CADM2: variants seen among roughly 807,000 people sequenced by gnomAD.
CADM2 encodes the protein cell adhesion molecule 2, also known as immunoglobulin superfamily member 4D.
In CADM2, 12 loss-of-function variants were observed where a neutral mutation model predicts 49.8. That is an observed-to-expected ratio of 0.24 (90% confidence interval 0.15 to 0.39). The LOEUF (loss-of-function observed/expected upper bound fraction) is 0.39, where lower values mean the gene tolerates loss of function less well. Ranked by LOEUF, CADM2 falls within the 10% of genes least tolerant of loss-of-function variation. CADM2 has a pLI of 1.00. For missense variants in CADM2, 378 were observed against 492.3 expected (o/e 0.77, Z 2.20); for synonymous variants, 214 against 175.4 (o/e 1.22, Z -1.74).
intron 1 of CADM2, among the ~76,000 whole-genome samples, chr3:85,295,759 A>C (rs1343401144): frequency 6.6e-6 from 1 of 151,728 alleles, no homozygotes; most frequent in African/African-American, 2.4e-5. Flanking sequence ...GGGGAATATC[A>C]CACTCTGGGG....
intron 1 of CADM2, among the ~76,000 whole-genome samples, chr3:85,581,496 T>A (rs2062796712): frequency 6.6e-6 from 1 of 151,784 alleles, no homozygotes; most frequent in African/African-American, 2.4e-5. Context: ...AATAAAATGA[T>A]CTATGAGGAA....
In CADM2 at chr3:85,082,988, C is replaced by T. The variant is rs185246832; in HGVS notation, c.61+123320C>T. ...GTTGTAGTTTTCATGTTTAAAATAT[C>T]ATTTTACAACTTCGAGAATGCTGTA... On this transcript the variant is annotated intron_variant, in intron 1 of 9. Coordinates refer to ENST00000383699, the MANE Select transcript of CADM2 (RefSeq NM_001167675.2). 1.4e-4 allele frequency among the ~76,000 whole-genome samples: 22 copies of T among 152,116 alleles called. No homozygotes were observed. The East Asian group carries it at 3.5e-3, about 24-fold the overall frequency.
At chr3:85,231,040 C>T (rs2042275112) in intron 1 of CADM2, among the ~76,000 whole-genome samples, 1 of 151,698 alleles carries the variant, frequency 6.6e-6, no homozygotes, top group Admixed American at 6.6e-5. Flanking sequence ...GCTGCTTTCT[C>T]ACTGTGTCCT....
At chr3:85,764,211 A>G (rs1295053081) in intron 2 of CADM2, among the ~76,000 whole-genome samples, 1 of 152,142 alleles carries the variant, frequency 6.6e-6, no homozygotes, top group Non-Finnish European at 1.5e-5. Context: ...ACATTTTTGT[A>G]TGAACAGCAA....
At chr3:85,904,885 A>G (rs555867827) in intron 5 of CADM2, among the ~76,000 whole-genome samples, 99 of 152,240 alleles carry the variant, frequency 6.5e-4, no homozygotes, top group African/African-American at 2.4e-3. Flanking sequence ...TCTATTTTAT[A>G]TTCAAAAAAT....
At chr3:84,963,829 G>A (rs533529) in intron 1 of CADM2, among the ~76,000 whole-genome samples, 152,274 of 152,302 alleles carry the variant, frequency 1, 76,123 homozygotes, top group Middle Eastern at 1. Flanking sequence ...CTTTACATGT[G>A]TTAACTTTAG....
chr3:85,635,695 A>G (rs1349717551), intron 1 of CADM2, among the ~76,000 whole-genome samples: 1 of 152,306 alleles, frequency 6.6e-6, no homozygotes, highest in Admixed American at 6.5e-5. Flanking sequence ...TTTAGTGCAT[A>G]CAATTTAACA....
intron 1 of CADM2, among the ~76,000 whole-genome samples, chr3:85,282,189 A>T (rs909892438): frequency 2.0e-5 from 3 of 151,444 alleles, no homozygotes; most frequent in African/African-American, 4.8e-5. Flanking sequence ...ATTTTTTTTT[A>T]AATTAGATAT....
intron 1 of CADM2, among the ~76,000 whole-genome samples, chr3:85,589,295 A>G (rs939083572): frequency 6.6e-6 from 1 of 151,960 alleles, no homozygotes; most frequent in African/African-American, 2.4e-5. Context: ...GTAATATTTG[A>G]GTTTCTGACC....
At chr3:85,067,622 C>G (rs1406073138) in intron 1 of CADM2, among the ~76,000 whole-genome samples, 1 of 152,086 alleles carries the variant, frequency 6.6e-6, no homozygotes, top group Non-Finnish European at 1.5e-5. Context: ...TGCTCAATTA[C>G]GAATGAGTCT....
chr3:85,008,407 A>G (rs2033840921), intron 1 of CADM2, among the ~76,000 whole-genome samples: 1 of 152,128 alleles, frequency 6.6e-6, no homozygotes, highest in African/African-American at 2.4e-5. Context: ...ATTACCTTAC[A>G]TTGTATGTTA....
At chr3:85,894,160 T>A (rs1227929259) in intron 5 of CADM2, among the ~76,000 whole-genome samples, 1 of 151,996 alleles carries the variant, frequency 6.6e-6, no homozygotes, top group African/African-American at 2.4e-5. Context: ...TAGAATACTA[T>A]GCAGCCATAA....
At chr3:85,346,250 T>C (rs974454258) in intron 1 of CADM2, among the ~76,000 whole-genome samples, 2 of 152,192 alleles carry the variant, frequency 1.3e-5, no homozygotes, top group Non-Finnish European at 2.9e-5. Context: ...TAAGTTGCCA[T>C]GAAATTTTCA....
chr3:85,803,277 C>G (rs1329686536), intron 3 of CADM2, among the ~76,000 whole-genome samples: 1 of 151,906 alleles, frequency 6.6e-6, no homozygotes, highest in Non-Finnish European at 1.5e-5. Context: ...TCCCTTTGTA[C>G]CAGGCATTAA....
intron 1 of CADM2, among the ~76,000 whole-genome samples, chr3:85,460,323 G>A (rs1481630204): frequency 6.6e-6 from 1 of 151,990 alleles, no homozygotes; most frequent in Admixed American, 6.6e-5. Flanking sequence ...CAAGAAGCAT[G>A]AACCACTGTG....
chr3:85,170,172 C>T lies in CADM2; in HGVS notation c.61+210504C>T, dbSNP rs540437442. Among the ~76,000 whole-genome samples, 4 of 152,266 alleles carry T rather than the reference C, an allele frequency of 2.6e-5. No individual in the cohort carries two copies. In the South Asian group the frequency reaches 8.3e-4, roughly 32 times the overall value. ...TGCTATTTAATTGGCATCTATTCGA[C>T]ATCTCCATGTCTGGGTCAGATTTTT... is the stretch of plus-strand genomic sequence containing the variant. On this transcript the variant is annotated intron_variant, in intron 1 of 9. Coordinates refer to ENST00000383699, the MANE Select transcript of CADM2 (RefSeq NM_001167675.2).
chr3:85,922,421 A>T (rs1403544510), intron 6 of CADM2, among the ~76,000 whole-genome samples: 3 of 151,880 alleles, frequency 2.0e-5, no homozygotes, highest in Non-Finnish European at 4.4e-5. Context: ...TCTTTTTTTT[A>T]ATGACGTATT....
chr3:85,838,562 C>A (rs1023421021), intron 3 of CADM2, among the ~76,000 whole-genome samples: 3 of 151,678 alleles, frequency 2.0e-5, no homozygotes, highest in African/African-American at 7.3e-5. Flanking sequence ...TTATAATATA[C>A]TTTTTTGGAG....
At chr3:85,160,074 G>A (rs1338849836) in intron 1 of CADM2, among the ~76,000 whole-genome samples, 1 of 152,140 alleles carries the variant, frequency 6.6e-6, no homozygotes, top group African/African-American at 2.4e-5. Flanking sequence ...ATAAAGGGGA[G>A]AGGGTTGGTA....
Sources: allele counts gnomAD v4.1 joint callset (sites outside exome capture counted in the v4.1 genomes callset), GRCh38; gene constraint gnomAD v4.1.1; transcripts MANE v1.5; gene names NCBI Gene and HGNC (gene_info 2026-07-23, HGNC 2026-07-21).